C13orf42: variants seen among roughly 807,000 people sequenced by gnomAD.
C13orf42 encodes uncharacterized protein C13orf42.
intron 1 of C13orf42, among the ~76,000 whole-genome samples, chr13:51,149,889 A>G (rs891891723): frequency 2.0e-5 from 3 of 152,222 alleles, no homozygotes; most frequent in African/African-American, 7.2e-5. Flanking sequence ...AGATACTAAC[A>G]CTAACCCTGT....
At chr13:51,158,983 T>A (rs1953843382) in intron 1 of C13orf42, among the ~76,000 whole-genome samples, 1 of 152,244 alleles carries the variant, frequency 6.6e-6, no homozygotes, top group African/African-American at 2.4e-5. Context: ...TTAAGGGGCT[T>A]TCATTGCATG....
intron 1 of C13orf42, among the ~76,000 whole-genome samples, chr13:51,162,717 A>T (rs1357792178): frequency 1.3e-5 from 2 of 152,124 alleles, no homozygotes; most frequent in African/African-American, 4.8e-5. Flanking sequence ...CCTAAATGCA[A>T]CTGGGCTGTG....
chr13:51,147,027 C>G (rs530894254), intron 1 of C13orf42, among the ~76,000 whole-genome samples: 1 of 152,328 alleles, frequency 6.6e-6, no homozygotes, highest in South Asian at 2.1e-4. Flanking sequence ...GATTGCCTAC[C>G]CTTGCTGGAA....
intron 1 of C13orf42, among the ~76,000 whole-genome samples, chr13:51,091,348 G>T (rs1342134104): frequency 6.6e-6 from 1 of 152,184 alleles, no homozygotes; most frequent in Non-Finnish European, 1.5e-5. Context: ...ACAAAAGAGG[G>T]CTTTCCTCCA....
At chr13:51,112,291 G>A (rs553146078), upstream of C13orf42, among the ~76,000 whole-genome samples, 1 of 152,140 alleles carries the variant, frequency 6.6e-6, no homozygotes, top group Non-Finnish European at 1.5e-5. Context: ...CCCAGAAATT[G>A]TATGTAAAGC....
At chr13:51,133,087 C>A (rs1379749635) in intron 1 of C13orf42, among the ~76,000 whole-genome samples, 1 of 152,226 alleles carries the variant, frequency 6.6e-6, no homozygotes, top group African/African-American at 2.4e-5. Context: ...TAAAAATGGG[C>A]AACCAGCAGC....
chr13:51,094,366 A>C (rs61029100), intron 1 of C13orf42, among the ~76,000 whole-genome samples: 5,697 of 152,270 alleles, frequency 0.037, 342 homozygotes, highest in African/African-American at 0.13. Flanking sequence ...TCTTGAGTTC[A>C]TACTGATATT....
chr13:51,116,438 A>AT (rs1423206963), intron 1 of C13orf42, among the ~76,000 whole-genome samples: 4 of 152,260 alleles, frequency 2.6e-5, no homozygotes, highest in Middle Eastern at 3.2e-3. Context: ...CTGGGAGCCC[A>AT]TAAGACATTT....
intron 1 of C13orf42, among the ~76,000 whole-genome samples, chr13:51,138,593 G>A (rs1953674439): frequency 6.6e-6 from 1 of 152,172 alleles, no homozygotes; most frequent in African/African-American, 2.4e-5. Context: ...GACGATCGGT[G>A]TTGGCAAGGT....
intron 1 of C13orf42, among the ~76,000 whole-genome samples, chr13:51,130,863 ATATATATAT>A (rs1286455136): frequency 8.4e-5 from 12 of 142,240 alleles, no homozygotes; most frequent in Admixed American, 7.7e-4. Flanking sequence ...TAAAAAAAAA[ATATATATAT>A]ATATATATAA....
chr13:51,130,735 C>T (rs1232865163), intron 1 of C13orf42, among the ~76,000 whole-genome samples: 2 of 151,990 alleles, frequency 1.3e-5, no homozygotes, highest in Non-Finnish European at 2.9e-5. Flanking sequence ...CCTGAACTTA[C>T]CAAGGTTTTC....
At chr13:51,151,675 C>T (rs544987733) in intron 1 of C13orf42, among the ~76,000 whole-genome samples, 11 of 152,348 alleles carry the variant, frequency 7.2e-5, no homozygotes, top group African/African-American at 2.4e-4. Flanking sequence ...TCTGCACATG[C>T]AGGTAAAGCA....
chr13:51,115,966 C>T (rs1593540089), upstream of C13orf42, among the ~76,000 whole-genome samples: 2 of 152,222 alleles, frequency 1.3e-5, no homozygotes, highest in South Asian at 2.1e-4. Flanking sequence ...GAAAGAGCAG[C>T]TCCAAATCTC....
chr13:51,160,632 C>G (rs1361855611), intron 1 of C13orf42, among the ~76,000 whole-genome samples: 1 of 152,006 alleles, frequency 6.6e-6, no homozygotes, highest in Non-Finnish European at 1.5e-5. Flanking sequence ...GTGAATTTGA[C>G]TATAAGGCAC....
chr13:51,169,934 C>T (rs1384916777), intron 1 of C13orf42, among the ~76,000 whole-genome samples: 2 of 152,216 alleles, frequency 1.3e-5, no homozygotes, highest in East Asian at 3.9e-4. Flanking sequence ...CCCAGATGGC[C>T]TGAAGTAACT....
upstream of C13orf42, among the ~76,000 whole-genome samples, chr13:51,113,458 A>T (rs1953454503): frequency 6.6e-6 from 1 of 152,172 alleles, no homozygotes; most frequent in Non-Finnish European, 1.5e-5. Flanking sequence ...GGTGGAGGAA[A>T]TTCATCCAGA....
At chr13:51,133,985 C>G (rs1953638703) in intron 1 of C13orf42, among the ~76,000 whole-genome samples, 1 of 152,170 alleles carries the variant, frequency 6.6e-6, no homozygotes, top group Non-Finnish European at 1.5e-5. Flanking sequence ...ATCCGCACAC[C>G]TGCAGCATCC....
At chr13:51,151,001 G>A (rs1269790475) in intron 1 of C13orf42, among the ~76,000 whole-genome samples, 1 of 152,118 alleles carries the variant, frequency 6.6e-6, no homozygotes, top group Non-Finnish European at 1.5e-5. Context: ...GAACCCCCCT[G>A]GCCTGAGCTG....
chr13:51,171,498 A>ACCT (rs1033502035), intron 1 of C13orf42, among the ~76,000 whole-genome samples: 6 of 151,646 alleles, frequency 4.0e-5, no homozygotes, highest in African/African-American at 1.5e-4. Flanking sequence ...AGTCTTTCTA[A>ACCT]TCTTCCTTTT....
Sources: gnomAD v4.1 joint callset for allele counts (sites outside exome capture counted in the v4.1 genomes callset) on GRCh38, gnomAD v4.1.1 for gene constraint, MANE v1.5 for transcripts, NCBI Gene and HGNC (gene_info 2026-07-23, HGNC 2026-07-21) for gene names.